PRKCE: variants seen among roughly 807,000 people sequenced by gnomAD.
The protein encoded by PRKCE is protein kinase C epsilon.
PRKCE carries 16 observed loss-of-function variants against 85.4 expected under a neutral mutation model. The observed-to-expected ratio is 0.19, with a 90% confidence interval of 0.13 to 0.28. The LOEUF (loss-of-function observed/expected upper bound fraction) is 0.28. Ranked by LOEUF, PRKCE falls within the 10% of genes least tolerant of loss-of-function variation. The probability of loss-of-function intolerance (pLI) is 1.00; values close to 1 mark genes in which losing one functional copy is unlikely to be tolerated. For synonymous variants in PRKCE, 388 were observed against 371.5 expected (o/e 1.04, Z -0.51); for missense variants, 573 against 975.2 (o/e 0.59, Z 5.49).
Position 46,155,142 on chromosome 2 carries a change from G to C in PRKCE, c.1920+3913G>C, listed in dbSNP as rs1469393134. ...CCCCTCATGATCCCCCAGCAGCAACGAGGACTTCACCTCACCAGATCTGGC... is the reference window on the plus strand; with the variant it reads ...CCCCTCATGATCCCCCAGCAGCAACCAGGACTTCACCTCACCAGATCTGGC... On this transcript the variant is annotated intron_variant, in intron 13 of 14. Transcript: ENST00000306156. This position sits in a 1 kb window ranked among gnomAD's most constrained non-coding sequence, Gnocchi z 4.7. Among the ~76,000 whole-genome samples, 1 of 152,196 alleles carries C rather than the reference G, an allele frequency of 6.6e-6. No individual in the cohort carries two copies. Among genetic ancestry groups the C allele is most frequent in the Non-Finnish European group, 1.5e-5 (1 of 68,040 alleles).
chr2:45,693,464 G>C (rs1677898336), intron 1 of PRKCE, among the ~76,000 whole-genome samples: 1 of 152,218 alleles, frequency 6.6e-6, no homozygotes, highest in Admixed American at 6.5e-5. Flanking sequence ...AAGAGAAGCA[G>C]GGCAAGGCCC....
chr2:45,707,112 C>G (rs952652736), intron 1 of PRKCE, among the ~76,000 whole-genome samples: 1 of 152,208 alleles, frequency 6.6e-6, no homozygotes, highest in African/African-American at 2.4e-5. Flanking sequence ...ACATCTGAGT[C>G]TGCAAGAGCT....
intron 10 of PRKCE, among the ~76,000 whole-genome samples, chr2:46,019,456 A>G (rs193065712): frequency 2.0e-5 from 3 of 152,208 alleles, no homozygotes; most frequent in African/African-American, 4.8e-5. Flanking sequence ...GAACTGCAGC[A>G]AGTGGGTAAA....
intron 2 of PRKCE, among the ~76,000 whole-genome samples, chr2:45,888,027 C>T (rs1347029518): frequency 6.6e-6 from 1 of 152,198 alleles, no homozygotes; most frequent in African/African-American, 2.4e-5. Flanking sequence ...CTCCCATGAT[C>T]TGTGATCATT....
At chr2:45,728,842 A>C (rs1681315265) in intron 1 of PRKCE, among the ~76,000 whole-genome samples, 1 of 152,182 alleles carries the variant, frequency 6.6e-6, no homozygotes, top group African/African-American at 2.4e-5. Context: ...TCTCTCCTTT[A>C]AGGTTAGAGA....
chr2:45,883,846 T>C (rs969990343), intron 2 of PRKCE, among the ~76,000 whole-genome samples: 3 of 152,174 alleles, frequency 2.0e-5, no homozygotes, highest in East Asian at 1.9e-4. Flanking sequence ...AACTCCCTTT[T>C]CTCTGCCTGG....
chr2:45,996,724 G>A (rs1487982633), intron 6 of PRKCE, among the ~76,000 whole-genome samples: 1 of 151,972 alleles, frequency 6.6e-6, no homozygotes, highest in Admixed American at 6.6e-5. Context: ...TTTATAAATT[G>A]TTGGATTCAA....
At chr2:46,065,122 T>A (rs779618870) in intron 10 of PRKCE, among the ~76,000 whole-genome samples, 22 of 152,218 alleles carry the variant, frequency 1.4e-4, no homozygotes, top group Non-Finnish European at 2.5e-4. Context: ...AAGCTTCTTT[T>A]CTGCAAACAG....
At chr2:46,091,276 G>A (rs963575545) in intron 11 of PRKCE, among the ~76,000 whole-genome samples, 8 of 152,316 alleles carry the variant, frequency 5.3e-5, no homozygotes, top group African/African-American at 1.9e-4. Context: ...AGGCACTGTG[G>A]GAGGTTTTTG....
intron 10 of PRKCE, among the ~76,000 whole-genome samples, chr2:46,033,278 A>C (rs1352200563): frequency 1.3e-5 from 2 of 152,178 alleles, no homozygotes; most frequent in Non-Finnish European, 2.9e-5. Context: ...GTTGCTCATC[A>C]TCTTCCTCAC....
intron 2 of PRKCE, among the ~76,000 whole-genome samples, chr2:45,892,585 G>C (rs1167685411): frequency 6.6e-6 from 1 of 152,172 alleles, no homozygotes; most frequent in Non-Finnish European, 1.5e-5. Flanking sequence ...TTGTGTTACA[G>C]ACCAAATGGA....
Position 45,995,111 on chromosome 2 carries a change from C to G in PRKCE, c.824-6293C>G, listed in dbSNP as rs189482801. On this transcript the variant is annotated intron_variant, in intron 6 of 14. Transcript: ENST00000306156. ...TCTTTGGCGAGGTGTATGCTCAAGT[C>G]TTTTGCCCATTGGGTTATTCATTTT... 2.6e-5 allele frequency among the ~76,000 whole-genome samples: 4 copies of G among 152,240 alleles called. No individual in the cohort carries two copies. In the East Asian group the frequency reaches 5.8e-4, roughly 22 times the overall value.
At chr2:45,897,956 G>A (rs963270172) in intron 2 of PRKCE, among the ~76,000 whole-genome samples, 1 of 152,140 alleles carries the variant, frequency 6.6e-6, no homozygotes, top group Non-Finnish European at 1.5e-5. Flanking sequence ...TGTGATTTGG[G>A]CGATCTCTAT....
At chr2:46,140,491 T>G (rs1675406439) in intron 11 of PRKCE, among the ~76,000 whole-genome samples, 2 of 152,220 alleles carry the variant, frequency 1.3e-5, no homozygotes, top group Admixed American at 1.3e-4. Context: ...CAAGTGAAGT[T>G]GGATATGGAT....
rs1680360290 is a variant in PRKCE, at chr2:46,185,092, A to G, written c.*211A>G. ...AGGCGCTCTCGGTTCTTGTCTCACC[A>G]GTAATGCAGACTCATTGGGTCAGCA... On this transcript the variant is annotated 3_prime_UTR_variant, in exon 15 of 15. Transcript: ENST00000306156. The surrounding 1 kb of genome is among the most constrained non-coding windows in gnomAD (Gnocchi z 4.7). 4.9e-6 allele frequency: 3 copies of G among 615,326 alleles called. No homozygotes were observed. The highest frequency in any genetic ancestry group is 8.4e-6 in the Non-Finnish European group (3 of 357,154). The allele number at this position is 615,326 out of a possible 1,614,324, so 38.1% of individuals were successfully genotyped here. A position where few individuals can be genotyped will look rare whatever the true frequency, so the allele number is the denominator to read the frequency against.
chr2:45,946,742 C>T (rs1446200291), intron 2 of PRKCE, among the ~76,000 whole-genome samples: 1 of 152,150 alleles, frequency 6.6e-6, no homozygotes, highest in Non-Finnish European at 1.5e-5. Flanking sequence ...CCCTGCCTGC[C>T]CCATGGGATT....
chr2:45,688,470 A>C (rs1677475078), intron 1 of PRKCE, among the ~76,000 whole-genome samples: 1 of 152,226 alleles, frequency 6.6e-6, no homozygotes, highest in Non-Finnish European at 1.5e-5. Context: ...ACCCCAAAAC[A>C]AACTCTAATA....
intron 11 of PRKCE, among the ~76,000 whole-genome samples, chr2:46,122,541 C>G (rs1442100595): frequency 1.3e-5 from 2 of 152,188 alleles, no homozygotes; most frequent in Non-Finnish European, 2.9e-5. Flanking sequence ...TTATAGGTCT[C>G]TTTAAAACTG....
chr2:45,821,821 G>A (rs950189720), intron 1 of PRKCE, among the ~76,000 whole-genome samples: 3 of 152,210 alleles, frequency 2.0e-5, no homozygotes, highest in African/African-American at 7.2e-5. Context: ...CAGCTGTATT[G>A]TAGATCAGCT....
Sources: gnomAD v4.1 joint callset for allele counts (sites outside exome capture counted in the v4.1 genomes callset) on GRCh38, gnomAD v4.1.1 for gene constraint, Gnocchi (gnomAD v3.1) non-coding constraint, MANE v1.5 for transcripts, NCBI Gene and HGNC (gene_info 2026-07-23, HGNC 2026-07-21) for gene names.